The following HECW2 variants were observed in gnomAD, a reference collection of about 807,000 sequenced individuals.
HECW2 encodes E3 ubiquitin-protein ligase HECW2.
A neutral mutation model predicts 175.2 loss-of-function variants in HECW2; 61 were observed. The ratio of observed to expected loss-of-function variants is 0.35; its 90% CI spans 0.28 to 0.43. The LOEUF (loss-of-function observed/expected upper bound fraction) is 0.43. Ranked by LOEUF, HECW2 falls within the 20% of genes least tolerant of loss-of-function variation. The pLI, the probability that HECW2 is intolerant of heterozygous loss-of-function variation, is 1.00. For missense variants in HECW2, 1,524 were observed against 2,000.5 expected (o/e 0.76, Z 4.54); for synonymous variants, 671 against 731.0 (o/e 0.92, Z 1.32).
At chr2:196,249,923 C>T (rs540490185) in intron 19 of HECW2, among the ~76,000 whole-genome samples, 1 of 152,336 alleles carries the variant, frequency 6.6e-6, no homozygotes, top group African/African-American at 2.4e-5. Context: ...AAATGTTTAA[C>T]TCTAAATGTA....
intron 1 of HECW2, among the ~76,000 whole-genome samples, chr2:196,479,124 CACAT>C (rs1686760341): frequency 6.6e-6 from 1 of 152,166 alleles, no homozygotes; most frequent in Non-Finnish European, 1.5e-5. Flanking sequence ...TCACTGCGAG[CACAT>C]ACAAGTTGAT....
At chr2:196,415,806 GA>G (rs1695239737) in intron 2 of HECW2, among the ~76,000 whole-genome samples, 1 of 152,184 alleles carries the variant, frequency 6.6e-6, no homozygotes. Flanking sequence ...AAAACTGGGA[GA>G]TCCAGGACAG....
intron 1 of HECW2, among the ~76,000 whole-genome samples, chr2:196,491,365 T>TACACAC (rs757194604): frequency 7.0e-4 from 71 of 100,730 alleles, no homozygotes; most frequent in Admixed American, 9.2e-4. Flanking sequence ...AAATCATATA[T>TACACAC]ATATACACAC....
At chr2:196,592,448 C>T (rs1374564083) in intron 1 of HECW2, 1 of 152,196 alleles carries the variant, frequency 6.6e-6, no homozygotes, top group Non-Finnish European at 1.5e-5. Context: ...GAAGACAAGG[C>T]ATGAGAGAGT....
At chr2:196,216,169 T>C (rs550662303) in intron 27 of HECW2, among the ~76,000 whole-genome samples, 192 bp from the exon 28 acceptor site, 2 of 152,176 alleles carry the variant, frequency 1.3e-5, no homozygotes, top group Non-Finnish European at 2.9e-5. Context: ...AGAAAGAGAA[T>C]ACTGTGCATG....
intron 1 of HECW2, among the ~76,000 whole-genome samples, chr2:196,443,124 A>G (rs894995362): frequency 2.0e-5 from 3 of 152,216 alleles, no homozygotes; most frequent in African/African-American, 7.2e-5. Context: ...GGTAGGAGAC[A>G]GGATCCTATG....
intron 2 of HECW2, among the ~76,000 whole-genome samples, chr2:196,381,387 GT>G (rs907500205): frequency 7.9e-5 from 12 of 152,118 alleles, no homozygotes; most frequent in Admixed American, 1.3e-4. Context: ...TGCCTTAGCT[GT>G]TAATAAGTTG....
intron 2 of HECW2, among the ~76,000 whole-genome samples, chr2:196,357,337 G>A (rs1445955645): frequency 6.6e-6 from 1 of 151,218 alleles, no homozygotes; most frequent in African/African-American, 2.4e-5. Flanking sequence ...TGGGCGGGGG[G>A]GCGGCACTCA....
At chr2:196,307,489 T>G (rs1313023720) in intron 11 of HECW2, among the ~76,000 whole-genome samples, 1 of 151,946 alleles carries the variant, frequency 6.6e-6, no homozygotes, top group Non-Finnish European at 1.5e-5. Flanking sequence ...TAAAGAAAAG[T>G]AAATTCCTAT....
At chr2:196,540,885 T>G (rs1689189373) in intron 1 of HECW2, among the ~76,000 whole-genome samples, 1 of 152,208 alleles carries the variant, frequency 6.6e-6, no homozygotes, top group Non-Finnish European at 1.5e-5. Context: ...TTCCTCCCAT[T>G]TACTGATGAC....
intron 21 of HECW2, among the ~76,000 whole-genome samples, chr2:196,231,199 A>G (rs1575260659): frequency 1.3e-5 from 2 of 151,896 alleles, no homozygotes; most frequent in East Asian, 3.8e-4. Flanking sequence ...GAAACAGAGC[A>G]TGCCCGTGGT....
At chr2:196,359,875 G>C (rs1416483108) in intron 2 of HECW2, among the ~76,000 whole-genome samples, 1 of 152,196 alleles carries the variant, frequency 6.6e-6, no homozygotes, top group Non-Finnish European at 1.5e-5. Context: ...GGCCAAGATA[G>C]GAGGATTGCT....
At position 196,396,987 on chromosome 2, in the gene HECW2, C is replaced by T. The variant is rs544992475; in HGVS notation, c.292+36145G>A. On this transcript the variant is annotated intron_variant, in intron 2 of 28. Coordinates refer to ENST00000644978, the MANE Select transcript of HECW2 (RefSeq NM_001348768.2). ...AAATAGCCAGGCGTGGTGGCGGGCA[C>T]CTGTAGTCCCACCTACTCGGGAAGC... is the stretch of plus-strand genomic sequence containing the variant. 1.8e-4 allele frequency among the ~76,000 whole-genome samples: 28 copies of T among 152,158 alleles called. 1 individual carries two copies. The highest frequency in any genetic ancestry group is 5.8e-4 in the East Asian group (3 of 5,172).
Position 196,306,583 on chromosome 2 carries a change from A to G in HECW2, c.2719T>C (p.Ser907Pro). ...DFRRENILPH[S>P]TSRSRITLLL... ...AACGTGATCCTGGATCTGGAGGTAG[A>G]GTGAGGCAGGATGTTCTCCCGTCGG... is the stretch of plus-strand genomic sequence containing the variant. Residue 907 changes from serine (S) to proline (P), a missense_variant, in exon 13 of 29, where the codon TCT (serine) becomes CCT (proline). Ser to Pro is a moderately conservative substitution (Grantham distance 74). This residue lies in a region of HECW2 where 105 missense variants were observed against 98.1 expected (regional missense o/e 1.07). Coordinates refer to ENST00000644978, the MANE Select transcript of HECW2 (RefSeq NM_001348768.2). 6.2e-7 allele frequency: 1 copy of G among 1,613,176 alleles called. No homozygotes were observed. The highest frequency in any genetic ancestry group is 1.1e-5 in the South Asian group (1 of 90,896).
intron 1 of HECW2, among the ~76,000 whole-genome samples, chr2:196,535,273 G>A (rs1273664248): frequency 1.3e-5 from 2 of 152,176 alleles, no homozygotes; most frequent in African/African-American, 4.8e-5. Flanking sequence ...GATGTGGGTG[G>A]ATCCTTGCCA....
At position 196,355,336 on chromosome 2, in the gene HECW2, C is replaced by T. The variant is rs554760425; in HGVS notation, c.293-11572G>A. On this transcript the variant is annotated intron_variant, in intron 2 of 28. Coordinates refer to ENST00000644978, the MANE Select transcript of HECW2 (RefSeq NM_001348768.2). ...ATGCTTTATAATGAAAATGTAAACC[C>T]GAACCCTTTTAAATGGTGAAGTATG... Among the ~76,000 whole-genome samples, 35 of 152,264 alleles carry T rather than the reference C, an allele frequency of 2.3e-4. No individual in the cohort carries two copies. In the South Asian group the frequency reaches 5.4e-3, roughly 23 times the overall value.
chr2:196,254,147 C>T (rs966475335), intron 18 of HECW2, 118 bp from the exon 19 acceptor site: 5 of 1,403,016 alleles, frequency 3.6e-6, no homozygotes, highest in East Asian at 5.3e-5. Context: ...AGAGAGCATC[C>T]GCCCCCTTTC....
At chr2:196,275,459 C>A (rs559505782) in intron 15 of HECW2, among the ~76,000 whole-genome samples, 6 of 151,862 alleles carry the variant, frequency 4.0e-5, no homozygotes, top group Non-Finnish European at 5.9e-5. Flanking sequence ...ATTAAGAATG[C>A]GGGAAATGTG....
At chr2:196,443,826 T>C (rs1696106300) in intron 1 of HECW2, among the ~76,000 whole-genome samples, 1 of 152,194 alleles carries the variant, frequency 6.6e-6, no homozygotes, top group African/African-American at 2.4e-5. Flanking sequence ...GTTCAGGAGT[T>C]GGAGACCAGC....
Sources: allele counts gnomAD v4.1 joint callset (sites outside exome capture counted in the v4.1 genomes callset), GRCh38; gene constraint gnomAD v4.1.1; regional missense constraint gnomAD v4.1.1; transcripts MANE v1.5; gene names NCBI Gene and HGNC (gene_info 2026-07-23, HGNC 2026-07-21).